The following L3MBTL1 variants were observed in gnomAD, a reference collection of about 807,000 sequenced individuals.
L3MBTL1 encodes L3MBTL histone methyl-lysine binding protein 1.
A neutral mutation model predicts 105.3 loss-of-function variants in L3MBTL1; 75 were observed. The observed-to-expected ratio is 0.71, with a 90% CI of 0.59 to 0.86. The LOEUF (loss-of-function observed/expected upper bound fraction) is 0.86, where lower values mean the gene tolerates loss of function less well. Ranked by LOEUF, L3MBTL1 falls within the 40% of genes least tolerant of loss-of-function variation. L3MBTL1 has a pLI of 0.00. For synonymous variants in L3MBTL1, 452 were observed against 436.2 expected, an observed-to-expected ratio of 1.04 and a Z score of -0.45; for missense variants, 1,069 against 1,126.4, an observed-to-expected ratio of 0.95 and a Z score of 0.73.
Position 43,534,368 on chromosome 20 carries a change from G to A in L3MBTL1, c.1684G>A (p.Glu562Lys), listed in dbSNP as rs1178284041. The change falls in exon 15 of 22, where the codon GAG becomes AAG. Residue 562 changes from glutamate (E) to lysine (K), a missense_variant. Physicochemically the swap from Glu to Lys is moderately conservative, Grantham distance 56. Transcript: ENST00000418998. The part of the protein sequence containing the change: ...NPALIRVASV[E>K]DVEDHRIKIH... ...AGCCCTGATTCGCGTGGCCAGCGTGGAGGATGTGGAGGACCATCGGATAAA... is the reference window on the plus strand; with the variant it reads ...AGCCCTGATTCGCGTGGCCAGCGTGAAGGATGTGGAGGACCATCGGATAAA... The A allele has an allele frequency of 2.5e-6, 4 of 1,614,120 alleles. No homozygotes were observed. The highest frequency in any genetic ancestry group is 2.5e-6 in the Non-Finnish European group (3 of 1,179,992).
chr20:43,514,383 T>C (rs2018245693), intron 3 of L3MBTL1: 2 of 1,404,176 alleles, frequency 1.4e-6, no homozygotes, highest in East Asian at 2.5e-5. Flanking sequence ...ACCGTGGGAC[T>C]GGGCCTGTGG....
intron 19 of L3MBTL1, 46 bp from the exon 20 acceptor site, chr20:43,540,104 GT>G: frequency 6.2e-7 from 1 of 1,603,898 alleles, no homozygotes; most frequent in Non-Finnish European, 8.5e-7. Context: ...TTCGGGAACA[GT>G]TTAGTCATCC....
downstream of L3MBTL1, among the ~76,000 whole-genome samples, chr20:43,546,143 T>C (rs1978584935): frequency 6.6e-6 from 1 of 152,158 alleles, no homozygotes; most frequent in Non-Finnish European, 1.5e-5. Flanking sequence ...TGGGGAAGCA[T>C]GCTGACAGTG....
At position 43,532,838 on chromosome 20, in the gene L3MBTL1, C is replaced by T; in HGVS notation, c.1350C>T (p.Ser450=). 6.2e-7 allele frequency: 1 copy of T among 1,614,214 alleles called. No individual in the cohort carries two copies. Among genetic ancestry groups the T allele is most frequent in the Non-Finnish European group, 8.5e-7 (1 of 1,180,036 alleles). ...KLEAVDRMNP[S]LVCVASVTDV... is the part of the protein sequence containing the mutation. ...AGGCTGTTGACCGCATGAACCCGTC[C>T]CTTGTCTGCGTGGCCAGTGTGACCG... is the stretch of plus-strand genomic sequence containing the variant. The change falls in exon 12 of 22, where the codon TCC becomes TCT. Residue 450 remains serine (S), a synonymous_variant. Transcript: ENST00000418998.
chr20:43,517,477 A>G (rs1171790386), intron 7 of L3MBTL1, among the ~76,000 whole-genome samples: 1 of 151,676 alleles, frequency 6.6e-6, no homozygotes, highest in Non-Finnish European at 1.5e-5. Context: ...TCACAGACAC[A>G]CTACAGCCTG....
At position 43,514,008 on chromosome 20, in the gene L3MBTL1, C is replaced by T. The variant is rs1486235683; in HGVS notation, c.307C>T (p.Arg103Trp). The T allele has an allele frequency of 1.3e-6, 2 of 1,541,706 alleles. No individual in the cohort carries two copies. Among genetic ancestry groups the T allele is most frequent in the Non-Finnish European group, 1.7e-6 (2 of 1,146,820 alleles). The change falls in exon 3 of 22, where the codon CGG becomes TGG. Residue 103 changes from arginine (R) to tryptophan (W), a missense_variant. Transcript: ENST00000418998. ...GPASSSTSTV[R>W]LLEWTEAAAP... ...GGCCAGCTCCAGCACCAGCACAGTG[C>T]GGCTTCTGGAATGGACAGAGGCCGC...
chr20:43,549,235 A>C (rs980740011), exon 19 of L3MBTL1: 4 of 152,270 alleles, frequency 2.6e-5, no homozygotes, highest in African/African-American at 4.8e-5. Flanking sequence ...ACCTCAGCCA[A>C]GGTATTGCCC....
downstream of L3MBTL1, among the ~76,000 whole-genome samples, chr20:43,545,289 C>T (rs1228020750): frequency 6.6e-6 from 1 of 151,642 alleles, no homozygotes; most frequent in Non-Finnish European, 1.5e-5. Flanking sequence ...CACTTGAACC[C>T]AGGAGGTGAA....
chr20:43,526,590 T>C (rs1208879279), intron 7 of L3MBTL1, among the ~76,000 whole-genome samples: 1 of 152,184 alleles, frequency 6.6e-6, no homozygotes, highest in Non-Finnish European at 1.5e-5. Flanking sequence ...AAAATATCTG[T>C]TGTGGCCCAA....
In L3MBTL1 at chr20:43,536,142, C is replaced by T. The variant is rs777353583; in HGVS notation, c.1971C>T (p.Gly657=). The change falls in exon 18 of 22, where the codon GGC becomes GGT. Residue 657 remains glycine (G), a synonymous_variant. Transcript: ENST00000418998. ...PGCDGSGHVT[G]KFTAHHCLSG... is the part of the protein sequence containing the mutation. ...GCGACGGCTCTGGCCATGTCACAGG[C>T]AAGTTCACAGCTCACCATTGCCTCT... 5 of 1,613,658 alleles carry T rather than the reference C, an allele frequency of 3.1e-6. No individual in the cohort carries two copies. Among genetic ancestry groups the T allele is most frequent in the Non-Finnish European group, 4.2e-6 (5 of 1,180,044 alleles).
intron 13 of L3MBTL1, 94 bp downstream of exon 13, chr20:43,533,512 C>G (rs1600945563): frequency 9.5e-7 from 1 of 1,054,718 alleles, no homozygotes. Flanking sequence ...GTAGCTGGCT[C>G]TCTAGGGTCA....
At position 43,514,747 on chromosome 20, in the gene L3MBTL1, G is replaced by C; in HGVS notation, c.473G>C (p.Gly158Ala). The C allele has an allele frequency of 6.4e-7, 1 of 1,563,844 alleles. No homozygotes were observed. Among genetic ancestry groups the C allele is most frequent in the Non-Finnish European group, 8.7e-7 (1 of 1,154,024 alleles). The change falls in exon 4 of 22, where the codon GGA (glycine) becomes GCA (alanine). Residue 158 changes from glycine (G) to alanine (A), a missense_variant. Transcript: ENST00000418998. ...TEYEDGGAPA[G>A]DGEAGPQQAE... ...TACGAAGATGGCGGGGCCCCGGCGG[G>C]AGATGGCGAGGCGGGCCCCCAACAG...
At chr20:43,515,200 GC>G in intron 5 of L3MBTL1, 41 bp downstream of exon 5, 1 of 1,614,074 alleles carries the variant, frequency 6.2e-7, no homozygotes, top group South Asian at 1.1e-5. Flanking sequence ...TCTACCTTCA[GC>G]CCCCAAAGCC....
At chr20:43,514,507 G>T (rs769435042) in intron 3 of L3MBTL1, 128 bp from the exon 4 acceptor site, 23 of 1,547,794 alleles carry the variant, frequency 1.5e-5, no homozygotes, top group Non-Finnish European at 2.0e-5. Flanking sequence ...AGGCCCCCTG[G>T]CGTGGAGTCT....
chr20:43,536,247 G>T lies in L3MBTL1; in HGVS notation c.2076G>T (p.Lys692Asn). ...ACTCGGAGGCCTCAGCCCGCAAGAA[G>T]AACCTCTCAGGCTTCTCCCCAAGGA... ...LSDSEASARKKNLSGFSPRKK... is the reference protein window; with the variant it reads ...LSDSEASARKNNLSGFSPRKK... Residue 692 changes from lysine (K) to asparagine (N), a missense_variant, in exon 18 of 22, where the codon AAG (lysine) becomes AAT (asparagine). Coordinates refer to ENST00000418998, the MANE Select transcript of L3MBTL1 (RefSeq NM_001377303.1). 2 of 1,612,362 alleles carry T rather than the reference G, an allele frequency of 1.2e-6. No individual in the cohort carries two copies. The highest frequency in any genetic ancestry group is 1.7e-6 in the Non-Finnish European group (2 of 1,179,562).
chr20:43,540,229 G>T lies in L3MBTL1; in HGVS notation c.2252G>T (p.Cys751Phe). 1 of 1,613,734 alleles carries T rather than the reference G, an allele frequency of 6.2e-7. No homozygotes were observed. The highest frequency in any genetic ancestry group is 8.5e-7 in the Non-Finnish European group (1 of 1,180,012). The part of the protein sequence containing the change: ...SAHPDRSLSV[C>F]WEQHCKLLPG... ...CACCCTGACCGCTCACTCTCAGTGTGCTGGGAGCAGCACTGCAAGCTCCTG... is the reference window on the plus strand; with the variant it reads ...CACCCTGACCGCTCACTCTCAGTGTTCTGGGAGCAGCACTGCAAGCTCCTG... The change falls in exon 20 of 22, where the codon TGC becomes TTC. Residue 751 changes from cysteine to phenylalanine, a missense_variant. Cys to Phe is a radical substitution (Grantham distance 205). Coordinates refer to ENST00000418998, the MANE Select transcript of L3MBTL1 (RefSeq NM_001377303.1).
chr20:43,530,395 G>A lies in L3MBTL1; in HGVS notation c.1168G>A (p.Gly390Ser). 1 of 1,614,096 alleles carries A rather than the reference G, an allele frequency of 6.2e-7. No homozygotes were observed. Among genetic ancestry groups the A allele is most frequent in the Non-Finnish European group, 8.5e-7 (1 of 1,179,998 alleles). ...CCCTGCTGGCTGGTTCGAGAAGACG[G>A]GCCACAAGCTGCAGCCTCCCAAAGG... ...IHPAGWFEKT[G>S]HKLQPPKGYK... Residue 390 changes from glycine (G) to serine (S), a missense_variant, in exon 10 of 22, where the codon GGC becomes AGC. Transcript: ENST00000418998.
rs1311215901 is a variant in L3MBTL1, at chr20:43,514,010, G to A, written c.309G>A (p.Arg103=). 2 of 1,541,380 alleles carry A rather than the reference G, an allele frequency of 1.3e-6. No individual in the cohort carries two copies. The highest frequency in any genetic ancestry group is 1.2e-5 in the South Asian group (1 of 84,032). ...GPASSSTSTV[R]LLEWTEAAAP... Reference sequence around the variant, plus strand: ...CCAGCTCCAGCACCAGCACAGTGCGGCTTCTGGAATGGACAGAGGCCGCGG... The same window carrying A: ...CCAGCTCCAGCACCAGCACAGTGCGACTTCTGGAATGGACAGAGGCCGCGG... The change falls in exon 3 of 22, where the codon CGG becomes CGA. Residue 103 remains arginine, a synonymous_variant. Coordinates refer to ENST00000418998, the MANE Select transcript of L3MBTL1 (RefSeq NM_001377303.1).
intron 7 of L3MBTL1, among the ~76,000 whole-genome samples, chr20:43,520,000 G>A (rs904845008): frequency 6.6e-6 from 1 of 151,540 alleles, no homozygotes; most frequent in Non-Finnish European, 1.5e-5. Context: ...TTTTTTTTTG[G>A]TGTATTCACA....
Sources: gnomAD v4.1 joint callset for allele counts (sites outside exome capture counted in the v4.1 genomes callset) on GRCh38, gnomAD v4.1.1 for gene constraint, MANE v1.5 for transcripts, NCBI Gene and HGNC (gene_info 2026-07-23, HGNC 2026-07-21) for gene names.